The following SH3RF3 variants were observed in gnomAD, a reference collection of about 807,000 sequenced individuals.
SH3RF3 encodes the protein SH3 domain containing ring finger 3.
In SH3RF3, 29 loss-of-function variants were observed where a neutral mutation model predicts 66.3. The observed-to-expected ratio is 0.44, with a 90% confidence interval of 0.33 to 0.60. The LOEUF is 0.60. Among genes scored for constraint, SH3RF3 ranks in the 20% least tolerant of loss-of-function variants. The pLI, the probability that SH3RF3 is intolerant of heterozygous loss-of-function variation, is 0.04. For missense variants in SH3RF3, 1,194 were observed against 1,190.9 expected (o/e 1.00, Z -0.04); for synonymous variants, 583 against 532.0 (o/e 1.10, Z -1.32).
chr2:109,361,956 C>T (rs1194135721), intron 2 of SH3RF3, among the ~76,000 whole-genome samples: 2 of 151,796 alleles, frequency 1.3e-5, no homozygotes, highest in Non-Finnish European at 2.9e-5. Context: ...ACTTTGTGTC[C>T]TCTGTTTTTC....
Position 109,502,019 on chromosome 2 carries a change from T to G in SH3RF3, c.*348T>G, listed in dbSNP as rs769141370. On this transcript the variant is annotated 3_prime_UTR_variant, in exon 10 of 10. Transcript: ENST00000309415. Reference sequence around the variant, plus strand: ...TTCTCATTTACCACCTAAGCAGGGTTGGAGGTTGCAGGAGGTCTGCAGGCG... The same window carrying G: ...TTCTCATTTACCACCTAAGCAGGGTGGGAGGTTGCAGGAGGTCTGCAGGCG... 31 of 239,784 alleles carry G rather than the reference T, an allele frequency of 1.3e-4. No individual in the cohort carries two copies. The highest frequency in any genetic ancestry group is 2.4e-4 in the Non-Finnish European group (29 of 119,882). 14.9% of individuals were successfully genotyped at this position (239,784 alleles called of 1,614,324 possible). A position where few individuals can be genotyped will look rare whatever the true frequency, so the allele number is the denominator to read the frequency against.
intron 1 of SH3RF3, among the ~76,000 whole-genome samples, chr2:109,250,698 C>G (rs1680068830): frequency 6.6e-6 from 1 of 151,660 alleles, no homozygotes. Context: ...CAAAGGAGGA[C>G]CTAGAAGCAA....
intron 1 of SH3RF3, among the ~76,000 whole-genome samples, chr2:109,315,577 G>A (rs542003770): frequency 6.6e-6 from 1 of 152,358 alleles, no homozygotes; most frequent in Non-Finnish European, 1.5e-5. Context: ...GTTGTGCACT[G>A]TCTGTGCAGA....
intron 1 of SH3RF3, among the ~76,000 whole-genome samples, chr2:109,182,178 T>G (rs904607588): frequency 2.0e-5 from 3 of 152,202 alleles, no homozygotes; most frequent in Middle Eastern, 6.8e-3. Flanking sequence ...TTATAAACAA[T>G]AGAAGTGTAT....
intron 1 of SH3RF3, among the ~76,000 whole-genome samples, chr2:109,297,845 T>C (rs1389481509): frequency 5.3e-5 from 8 of 150,872 alleles, no homozygotes; most frequent in Non-Finnish European, 1.2e-4. Flanking sequence ...GCCCCCGACC[T>C]GGGCCAGTTC....
intron 1 of SH3RF3, among the ~76,000 whole-genome samples, chr2:109,333,719 A>C (rs1288716985): frequency 6.6e-6 from 1 of 152,214 alleles, no homozygotes; most frequent in Non-Finnish European, 1.5e-5. Context: ...AAACTGCTAG[A>C]GTTTAAATCC....
intron 6 of SH3RF3, among the ~76,000 whole-genome samples, chr2:109,434,320 C>T (rs926764313): frequency 2.0e-5 from 3 of 152,248 alleles, no homozygotes; most frequent in African/African-American, 4.8e-5. Flanking sequence ...CAGGTTAGAG[C>T]AGCAGCTTCT....
intron 4 of SH3RF3, among the ~76,000 whole-genome samples, chr2:109,414,095 G>T (rs1343825144): frequency 6.6e-6 from 1 of 152,174 alleles, no homozygotes; most frequent in African/African-American, 2.4e-5. Context: ...TTATTGGGCT[G>T]CCCCATCTTG....
intron 1 of SH3RF3, among the ~76,000 whole-genome samples, chr2:109,146,899 C>A (rs1191730375): frequency 3.9e-5 from 4 of 103,640 alleles, no homozygotes; most frequent in South Asian, 5.1e-4. Context: ...CCCCCCCCCC[C>A]CCGCCCCAAT....
At chr2:109,425,009 G>C (rs1676990804) in intron 5 of SH3RF3, among the ~76,000 whole-genome samples, 1 of 152,164 alleles carries the variant, frequency 6.6e-6, no homozygotes, top group African/African-American at 2.4e-5. Flanking sequence ...GTTATTGAAG[G>C]AAATTAAAAG....
intron 3 of SH3RF3, 144 bp from the exon 4 acceptor site, chr2:109,398,446 C>T (rs1419453759): frequency 3.4e-5 from 26 of 761,114 alleles, no homozygotes; most frequent in Non-Finnish European, 5.0e-5. Context: ...ACCCCACCAG[C>T]CTCTTCTGTG....
At chr2:109,339,836 C>A (rs2105522912) in intron 1 of SH3RF3, among the ~76,000 whole-genome samples, 1 of 152,314 alleles carries the variant, frequency 6.6e-6, no homozygotes, top group African/African-American at 2.4e-5. Context: ...ACCCTCCTGG[C>A]CCAACGGATG....
intron 1 of SH3RF3, among the ~76,000 whole-genome samples, chr2:109,293,529 C>T (rs952145157): frequency 6.6e-6 from 1 of 152,250 alleles, no homozygotes; most frequent in African/African-American, 2.4e-5. Flanking sequence ...GGCAGTCATC[C>T]TCTGTCCCCT....
chr2:109,473,386 G>A (rs1489228967), intron 8 of SH3RF3, among the ~76,000 whole-genome samples: 1 of 152,132 alleles, frequency 6.6e-6, no homozygotes, highest in Non-Finnish European at 1.5e-5. Flanking sequence ...CGTGCTCTGA[G>A]GCCCCCATCA....
intron 1 of SH3RF3, among the ~76,000 whole-genome samples, chr2:109,132,844 G>A (rs913116026): frequency 2.0e-5 from 3 of 152,216 alleles, no homozygotes; most frequent in Non-Finnish European, 2.9e-5. Context: ...TTTCAGTGCA[G>A]TGGGAGTCTT....
chr2:109,499,683 G>A (rs759856984), intron 9 of SH3RF3, among the ~76,000 whole-genome samples: 6 of 152,234 alleles, frequency 3.9e-5, no homozygotes, highest in African/African-American at 7.2e-5. Context: ...CTCTCCTGGG[G>A]CCACCACAGC....
intron 1 of SH3RF3, among the ~76,000 whole-genome samples, chr2:109,169,576 C>A (rs1677709716): frequency 1.3e-5 from 2 of 152,120 alleles, no homozygotes; most frequent in South Asian, 4.1e-4. Flanking sequence ...CATAAAGTTG[C>A]TTTATGCTGA....
intron 4 of SH3RF3, among the ~76,000 whole-genome samples, chr2:109,415,739 C>G (rs1322625979): frequency 6.6e-6 from 1 of 152,222 alleles, no homozygotes; most frequent in African/African-American, 2.4e-5. Context: ...CAAACCGTCA[C>G]TTCATCTGGC....
chr2:109,318,369 G>A (rs934918604), intron 1 of SH3RF3, among the ~76,000 whole-genome samples: 5 of 152,118 alleles, frequency 3.3e-5, no homozygotes, highest in African/African-American at 1.2e-4. Flanking sequence ...CCCACTCGCT[G>A]CACAGACCTG....
Sources: gnomAD v4.1 joint callset for allele counts (sites outside exome capture counted in the v4.1 genomes callset) on GRCh38, gnomAD v4.1.1 for gene constraint, MANE v1.5 for transcripts, NCBI Gene and HGNC (gene_info 2026-07-23, HGNC 2026-07-21) for gene names.